KHDRBS3: variants seen among roughly 807,000 people sequenced by gnomAD.
KHDRBS3 encodes the protein KH RNA binding domain containing, signal transduction associated 3.
KHDRBS3 carries 23 observed loss-of-function variants against 45.6 expected under a neutral mutation model. The ratio of observed to expected loss-of-function variants is 0.50; its 90% CI spans 0.36 to 0.72. The LOEUF is 0.72. KHDRBS3 is among the 30% of genes least tolerant of loss of function. KHDRBS3 has a pLI of 0.00. For missense variants in KHDRBS3, 352 were observed against 424.8 expected (o/e 0.83, Z 1.51); for synonymous variants, 162 against 156.5 (o/e 1.04, Z -0.26).
At chr8:135,548,927 A>T (rs781699683) in intron 4 of KHDRBS3, 27 bp downstream of exon 4, 15 of 1,505,408 alleles carry the variant, frequency 1.0e-5, no homozygotes, top group Non-Finnish European at 1.3e-5. Flanking sequence ...TTGATAGTTA[A>T]CTTGTACTTT....
intron 4 of KHDRBS3, among the ~76,000 whole-genome samples, chr8:135,554,931 C>T (rs1227544259): frequency 6.6e-6 from 1 of 152,072 alleles, no homozygotes; most frequent in African/African-American, 2.4e-5. Context: ...TCTTAAAATC[C>T]TCTGTTCCTC....
intron 7 of KHDRBS3, among the ~76,000 whole-genome samples, chr8:135,618,651 A>G (rs1206669388): frequency 6.6e-6 from 1 of 152,184 alleles, no homozygotes; most frequent in African/African-American, 2.4e-5. Context: ...GTGTTTTGAC[A>G]TGGTTAATCT....
At chr8:135,653,145 T>C (rs962367657) in intron 4 of KHDRBS3, among the ~76,000 whole-genome samples, 1 of 152,134 alleles carries the variant, frequency 6.6e-6, no homozygotes, top group African/African-American at 2.4e-5. Flanking sequence ...ACAGGTACCA[T>C]TGTGAAGTGT....
chr8:135,653,267 T>C (rs972957548), intron 4 of KHDRBS3, among the ~76,000 whole-genome samples: 4 of 152,178 alleles, frequency 2.6e-5, no homozygotes, highest in Admixed American at 1.3e-4. Flanking sequence ...CCATGTCTTA[T>C]TGGACTTGTA....
At chr8:135,533,488 G>C (rs1003944798) in intron 2 of KHDRBS3, among the ~76,000 whole-genome samples, 2 of 152,122 alleles carry the variant, frequency 1.3e-5, no homozygotes, top group African/African-American at 4.8e-5. Context: ...AGATAAATGT[G>C]TGTGTGTATA....
At chr8:135,655,450 T>C (rs1470560894) in intron 4 of KHDRBS3, among the ~76,000 whole-genome samples, 1 of 151,852 alleles carries the variant, frequency 6.6e-6, no homozygotes, top group East Asian at 1.9e-4. Flanking sequence ...CTAATACAGG[T>C]GGGAGAGGAG....
At chr8:135,599,417 T>G (rs1007195064) in intron 6 of KHDRBS3, among the ~76,000 whole-genome samples, 2 of 152,254 alleles carry the variant, frequency 1.3e-5, no homozygotes, top group Non-Finnish European at 2.9e-5. Flanking sequence ...AATCTAAGAC[T>G]GATACTTAAT....
intron 3 of KHDRBS3, among the ~76,000 whole-genome samples, chr8:135,543,535 A>G (rs1223175724): frequency 2.6e-5 from 4 of 152,208 alleles, no homozygotes; most frequent in Non-Finnish European, 5.9e-5. Flanking sequence ...AACACAATCC[A>G]ACATCCTCAC....
intron 1 of KHDRBS3, among the ~76,000 whole-genome samples, chr8:135,462,525 A>G (rs753587864): frequency 7.2e-5 from 11 of 152,208 alleles, no homozygotes; most frequent in African/African-American, 2.4e-5. Context: ...CCTAAGGAAC[A>G]TCTTAGTCCT....
At chr8:135,604,208 C>A (rs1829347677) in intron 6 of KHDRBS3, among the ~76,000 whole-genome samples, 1 of 151,496 alleles carries the variant, frequency 6.6e-6, no homozygotes, top group Non-Finnish European at 1.5e-5. Flanking sequence ...GTCTTAAAGT[C>A]TCTTTTGCCT....
chr8:135,559,636 C>T (rs11992385), intron 5 of KHDRBS3, among the ~76,000 whole-genome samples: 12,830 of 152,260 alleles, frequency 0.084, 651 homozygotes, highest in East Asian at 0.18. Context: ...GCTGGGATTA[C>T]AGGCGTGAGC....
At chr8:135,503,549 A>G (rs1402870438) in intron 1 of KHDRBS3, among the ~76,000 whole-genome samples, 2 of 151,210 alleles carry the variant, frequency 1.3e-5, no homozygotes, top group Non-Finnish European at 2.9e-5. Context: ...TAGCTCTTTC[A>G]TGTTCTGAAA....
chr8:135,502,815 CTCTT>C (rs2130517521), intron 1 of KHDRBS3, among the ~76,000 whole-genome samples: 1 of 152,304 alleles, frequency 6.6e-6, no homozygotes, highest in East Asian at 1.9e-4. Context: ...TCAGTGGCAT[CTCTT>C]TCTGCTGATC....
chr8:135,638,282 G>C (rs943678617), intron 7 of KHDRBS3, among the ~76,000 whole-genome samples: 2 of 152,290 alleles, frequency 1.3e-5, no homozygotes, highest in Non-Finnish European at 2.9e-5. Context: ...GTAACAATGC[G>C]AGGCCAAACC....
chr8:135,598,708 C>T (rs568131610), intron 6 of KHDRBS3, among the ~76,000 whole-genome samples: 1 of 152,198 alleles, frequency 6.6e-6, no homozygotes, highest in Non-Finnish European at 1.5e-5. Flanking sequence ...GGTGACACTG[C>T]ATCGACCCGG....
intron 5 of KHDRBS3, among the ~76,000 whole-genome samples, chr8:135,558,303 G>A (rs1274319402): frequency 5.2e-5 from 7 of 135,052 alleles, no homozygotes; most frequent in Admixed American, 1.6e-4. Context: ...TCATAAATCT[G>A]ATATGACTAT....
chr8:135,556,929 A>T (rs1826915355), intron 4 of KHDRBS3, among the ~76,000 whole-genome samples: 1 of 152,208 alleles, frequency 6.6e-6, no homozygotes, highest in Non-Finnish European at 1.5e-5. Flanking sequence ...CAACTTGTAT[A>T]ATTTTCTACT....
At chr8:135,534,443 G>T (rs191710343) in intron 2 of KHDRBS3, among the ~76,000 whole-genome samples, 32 of 152,180 alleles carry the variant, frequency 2.1e-4, no homozygotes, top group Non-Finnish European at 3.7e-4. Context: ...AATATTCCTT[G>T]CCTGTCATAA....
intron 7 of KHDRBS3, among the ~76,000 whole-genome samples, chr8:135,616,046 A>G (rs1829902143): frequency 6.6e-6 from 1 of 152,258 alleles, no homozygotes; most frequent in Admixed American, 6.5e-5. Context: ...ATGTTTTTCA[A>G]GATTCATTTA....
Sources: allele counts gnomAD v4.1 joint callset (sites outside exome capture counted in the v4.1 genomes callset), GRCh38; gene constraint gnomAD v4.1.1; transcripts MANE v1.5; gene names NCBI Gene and HGNC (gene_info 2026-07-23, HGNC 2026-07-21).